LRRC7: variants seen among roughly 807,000 people sequenced by gnomAD.
LRRC7 encodes the protein leucine-rich repeat-containing protein 7.
In LRRC7, 23 loss-of-function variants were observed where a neutral mutation model predicts 175.7. The ratio of observed to expected loss-of-function variants is 0.13; its 90% CI spans 0.09 to 0.19. The LOEUF (loss-of-function observed/expected upper bound fraction) is 0.19, where lower values mean the gene tolerates loss of function less well. LRRC7 is among the 10% of genes least tolerant of loss of function. The pLI, the probability that LRRC7 is intolerant of heterozygous loss-of-function variation, is 1.00. For missense variants in LRRC7, 1,354 were observed against 1,904.7 expected, an observed-to-expected ratio of 0.71 and a Z score of 5.38; for synonymous variants, 685 against 680.9, an observed-to-expected ratio of 1.01 and a Z score of -0.09.
chr1:69,569,656 GAAAGATTGCTTCCTT>G (rs1352413919), intron 1 of LRRC7, among the ~76,000 whole-genome samples: 4 of 152,024 alleles, frequency 2.6e-5, no homozygotes, highest in African/African-American at 9.7e-5. Context: ...GGAGATGGCT[GAAAGATTGCTTCCTT>G]ACACTACTTC....
In LRRC7 at chr1:70,131,034, G is replaced by A. The variant is rs1243611322; in HGVS notation, c.*9147G>A. On this transcript the variant is annotated 3_prime_UTR_variant, in exon 27 of 27. Transcript: ENST00000651989. ...CCACCCCCTATATCCCTAAAGTGAAGATGTCATATAGTTCAGCCAAAATTA... is the reference window on the plus strand; with the variant it reads ...CCACCCCCTATATCCCTAAAGTGAAAATGTCATATAGTTCAGCCAAAATTA... Among the ~76,000 whole-genome samples the A allele has an allele frequency of 1.3e-5, 2 of 152,098 alleles. No individual in the cohort carries two copies.
In LRRC7 at chr1:69,810,412, G is replaced by GA. The variant is rs529810859; in HGVS notation, c.422-15329dup. ...ACCATTGACTTTCTTCACAGAATTA[G>GA]AAAAAAATATTTTAAATTTCATATG... is the stretch of plus-strand genomic sequence containing the variant. On this transcript the variant is annotated intron_variant, in intron 4 of 26. Transcript: ENST00000651989. Among the ~76,000 whole-genome samples, 334 of 152,012 alleles carry GA rather than the reference G, an allele frequency of 2.2e-3. 4 individuals are homozygous for GA. The highest frequency in any genetic ancestry group is 6.6e-4 in the Non-Finnish European group (45 of 67,950).
intron 1 of LRRC7, among the ~76,000 whole-genome samples, chr1:69,665,258 T>C (rs1342170520): frequency 6.6e-6 from 1 of 152,180 alleles, no homozygotes; most frequent in Non-Finnish European, 1.5e-5. Context: ...AGTTTCCTTC[T>C]TTTGCTCAGG....
intron 7 of LRRC7, chr1:69,919,352 G>GA (rs1646811772): frequency 8.3e-6 from 5 of 604,422 alleles, no homozygotes; most frequent in Non-Finnish European, 1.5e-5. Flanking sequence ...GCGTGAGGAG[G>GA]AAAGATGGCG....
chr1:69,717,806 GAA>G (rs1486868059), intron 2 of LRRC7, among the ~76,000 whole-genome samples: 54 of 21,714 alleles, frequency 2.5e-3, no homozygotes, highest in South Asian at 4.1e-3. Context: ...AAGAAAGAAA[GAA>G]AGAAAGAAAG....
At chr1:69,907,259 T>C (rs542801199) in intron 7 of LRRC7, among the ~76,000 whole-genome samples, 1 of 152,320 alleles carries the variant, frequency 6.6e-6, no homozygotes, top group South Asian at 2.1e-4. Context: ...TATTTCCTTC[T>C]CCTGCCTAAT....
chr1:69,994,782 A>G, intron 11 of LRRC7, 149 bp downstream of exon 11: 1 of 490,854 alleles, frequency 2.0e-6, no homozygotes, highest in Non-Finnish European at 3.5e-6. Context: ...TTATTTATAT[A>G]TATTTGTGTA....
chr1:70,024,488 C>CT (rs1278453173), intron 17 of LRRC7, among the ~76,000 whole-genome samples: 6 of 151,656 alleles, frequency 4.0e-5, no homozygotes, highest in Non-Finnish European at 5.9e-5. Context: ...CGAAACATTT[C>CT]TTTTTTTCAA....
At chr1:70,082,781 ATTTTTTTTTTTTTTTTTT>A (rs1172403797) in intron 24 of LRRC7, among the ~76,000 whole-genome samples, 2 of 52,312 alleles carry the variant, frequency 3.8e-5, no homozygotes, top group Non-Finnish European at 7.4e-5. Context: ...ATACCAGTAC[ATTTTTTTTTTTTTTTTTT>A]TTTTTTTTTT....
intron 8 of LRRC7, among the ~76,000 whole-genome samples, chr1:69,934,669 A>G (rs1647800702): frequency 6.6e-6 from 1 of 152,034 alleles, no homozygotes; most frequent in Non-Finnish European, 1.5e-5. Flanking sequence ...ATTTTTTGGT[A>G]TATTCTTCCC....
intron 2 of LRRC7, among the ~76,000 whole-genome samples, chr1:69,694,096 C>T (rs1158643647): frequency 6.6e-6 from 1 of 152,058 alleles, no homozygotes; most frequent in African/African-American, 2.4e-5. Flanking sequence ...ACCATCAAAC[C>T]CAAGCCTGGA....
chr1:69,754,169 T>A (rs548362532), intron 2 of LRRC7, among the ~76,000 whole-genome samples: 4 of 152,124 alleles, frequency 2.6e-5, no homozygotes, highest in Admixed American at 1.3e-4. Context: ...GACTTTACTT[T>A]GAGGACAGAG....
In LRRC7 at chr1:69,797,573, C is replaced by T. The variant is rs1300891686; in HGVS notation, c.421+5413C>T. On this transcript the variant is annotated intron_variant, in intron 4 of 26. Transcript: ENST00000651989. The stretch of plus-strand genomic sequence containing the variant: ...TAGTCTTCAACTCCTGCCAAATTTA[C>T]CTCCTAAATATATGGCAGGTCTTTT... Among the ~76,000 whole-genome samples, 5 of 152,156 alleles carry T rather than the reference C, an allele frequency of 3.3e-5. No homozygotes were observed. The East Asian group carries it at 9.6e-4, about 29-fold the overall frequency.
chr1:69,715,577 T>A (rs936635837), intron 2 of LRRC7, among the ~76,000 whole-genome samples: 2 of 151,998 alleles, frequency 1.3e-5, no homozygotes, highest in Non-Finnish European at 2.9e-5. Context: ...CTGAATACAT[T>A]AAGCTATGAC....
At position 69,975,014 on chromosome 1, in the gene LRRC7, G is replaced by C. The variant is rs111607400; in HGVS notation, c.712-5365G>C. On this transcript the variant is annotated intron_variant, in intron 8 of 26. Coordinates refer to ENST00000651989, the MANE Select transcript of LRRC7 (RefSeq NM_001370785.2). ...TTATCAGATTATTTATCCATAAAGTGGGATTATTATCACCTTATTATGTTC... is the reference window on the plus strand; with the variant it reads ...TTATCAGATTATTTATCCATAAAGTCGGATTATTATCACCTTATTATGTTC... Among the ~76,000 whole-genome samples the C allele has an allele frequency of 5.5e-4, 84 of 152,198 alleles. 1 individual carries two copies. The highest frequency in any genetic ancestry group is 2.0e-3 in the African/African-American group (83 of 41,538).
intron 1 of LRRC7, among the ~76,000 whole-genome samples, chr1:69,602,388 A>G (rs1622893): frequency 0.15 from 23,031 of 152,160 alleles, 1,925 homozygotes; most frequent in Admixed American, 0.19. Flanking sequence ...TTTGGAATAA[A>G]CTAATGACTC....
chr1:69,864,756 G>A (rs1330188758), intron 7 of LRRC7, among the ~76,000 whole-genome samples: 1 of 152,156 alleles, frequency 6.6e-6, no homozygotes, highest in African/African-American at 2.4e-5. Context: ...ATGGTTACAA[G>A]TTATTTGTCA....
At chr1:69,813,275 T>C (rs1309879339) in intron 4 of LRRC7, among the ~76,000 whole-genome samples, 1 of 152,086 alleles carries the variant, frequency 6.6e-6, no homozygotes, top group Non-Finnish European at 1.5e-5. Context: ...CTCAGCAAAA[T>C]TACAACCCTG....
chr1:69,983,848 T>C (rs1440472724), intron 9 of LRRC7, among the ~76,000 whole-genome samples: 1 of 152,186 alleles, frequency 6.6e-6, no homozygotes, highest in African/African-American at 2.4e-5. Flanking sequence ...GAATCCAACA[T>C]GTGACATGAC....
Sources: gnomAD v4.1 joint callset for allele counts (sites outside exome capture counted in the v4.1 genomes callset) on GRCh38, gnomAD v4.1.1 for gene constraint, MANE v1.5 for transcripts, NCBI Gene and HGNC (gene_info 2026-07-23, HGNC 2026-07-21) for gene names.